The following CORO2A variants were observed in gnomAD, a reference collection of about 807,000 sequenced individuals.
CORO2A encodes the protein coronin-2A.
In CORO2A, 47 loss-of-function variants were observed where a neutral mutation model predicts 62.4. The ratio of observed to expected loss-of-function variants is 0.75; its 90% CI spans 0.60 to 0.96. The LOEUF is 0.96. CORO2A is among the 40% of genes least tolerant of loss of function. The probability of loss-of-function intolerance (pLI) is 0.00; values close to 1 mark genes in which losing one functional copy is unlikely to be tolerated. For missense variants in CORO2A, 610 were observed against 684.1 expected (o/e 0.89, Z 1.21); for synonymous variants, 273 against 268.9 (o/e 1.02, Z -0.15).
intron 4 of CORO2A, 67 bp from the exon 5 acceptor site, chr9:98,133,284 T>C: frequency 6.7e-7 from 1 of 1,497,148 alleles, no homozygotes; most frequent in South Asian, 1.2e-5. Context: ...AGTTACATGC[T>C]GGCCAGGATG....
intron 1 of CORO2A, among the ~76,000 whole-genome samples, chr9:98,187,696 C>T (rs1828257068): frequency 6.6e-6 from 1 of 152,060 alleles, no homozygotes; most frequent in Non-Finnish European, 1.5e-5. Context: ...GCCTTCCTGA[C>T]CTAATTCCCT....
At chr9:98,152,375 G>A (rs1827737588) in intron 2 of CORO2A, among the ~76,000 whole-genome samples, 1 of 151,686 alleles carries the variant, frequency 6.6e-6, no homozygotes, top group African/African-American at 2.4e-5. Context: ...TAGCAGCCTT[G>A]AACTCCTGGG....
chr9:98,147,662 T>G (rs1220152015), intron 2 of CORO2A, among the ~76,000 whole-genome samples: 2 of 152,144 alleles, frequency 1.3e-5, no homozygotes, highest in Non-Finnish European at 2.9e-5. Context: ...TATTTTAGCA[T>G]AAGGAGGTTC....
At chr9:98,172,770 A>T (rs1029249558) in intron 1 of CORO2A, 2 of 152,220 alleles carry the variant, frequency 1.3e-5, no homozygotes, top group Admixed American at 6.5e-5. Flanking sequence ...TTGTTTGTCC[A>T]GGCTGGGCCT....
chr9:98,143,538 G>A (rs920350374), intron 2 of CORO2A, among the ~76,000 whole-genome samples: 1 of 152,160 alleles, frequency 6.6e-6, no homozygotes, highest in African/African-American at 2.4e-5. Flanking sequence ...GTGCAGCCTT[G>A]GGCAAGTGAC....
intron 1 of CORO2A, among the ~76,000 whole-genome samples, chr9:98,184,502 TC>T (rs2118939514): frequency 6.6e-6 from 1 of 152,330 alleles, no homozygotes; most frequent in South Asian, 2.1e-4. Flanking sequence ...TACTACTCTT[TC>T]TCTTACCGTG....
chr9:98,126,225 G>A (rs1364353540), intron 11 of CORO2A, among the ~76,000 whole-genome samples: 2 of 151,564 alleles, frequency 1.3e-5, no homozygotes, highest in Non-Finnish European at 2.9e-5. Context: ...TAGTAGAGAT[G>A]GGGTTTCACT....
In CORO2A at chr9:98,150,045, C is replaced by T. The variant is rs570656684; in HGVS notation, c.201+7415G>A. Among the ~76,000 whole-genome samples the T allele has an allele frequency of 2.0e-4, 31 of 151,936 alleles. 1 individual carries two copies. The South Asian group carries it at 5.8e-3, about 29-fold the overall frequency. On this transcript the variant is annotated intron_variant, in intron 2 of 11. Coordinates refer to ENST00000375077, the MANE Select transcript of CORO2A (RefSeq NM_052820.4). Reference sequence around the variant, plus strand: ...CTCCTGGGTTCAAGCAGTTCTCCTGCCTCAGCCTCCCGAATAGTTGGGGTT... The same window carrying T: ...CTCCTGGGTTCAAGCAGTTCTCCTGTCTCAGCCTCCCGAATAGTTGGGGTT...
intron 1 of CORO2A, among the ~76,000 whole-genome samples, chr9:98,181,686 T>G (rs1317731683): frequency 6.6e-6 from 1 of 152,194 alleles, no homozygotes; most frequent in Non-Finnish European, 1.5e-5. Flanking sequence ...TTGGCAAGGC[T>G]GTTTCTCCTA....
chr9:98,141,652 C>A (rs1827570811), intron 2 of CORO2A, among the ~76,000 whole-genome samples: 1 of 152,238 alleles, frequency 6.6e-6, no homozygotes, highest in Non-Finnish European at 1.5e-5. Context: ...CTGCGCCCAG[C>A]TGCCAATGAC....
chr9:98,154,172 A>G (rs772431830), intron 2 of CORO2A, among the ~76,000 whole-genome samples: 46 of 151,896 alleles, frequency 3.0e-4, no homozygotes, highest in Non-Finnish European at 6.5e-4. Context: ...TGGTTTTGGT[A>G]TCAAGGTTAC....
At chr9:98,159,619 C>T (rs1157535465) in intron 1 of CORO2A, among the ~76,000 whole-genome samples, 2 of 151,658 alleles carry the variant, frequency 1.3e-5, no homozygotes, top group African/African-American at 4.8e-5. Context: ...CAAATCCGCC[C>T]CTTCCCTAGC....
intron 11 of CORO2A, among the ~76,000 whole-genome samples, chr9:98,126,227 G>A (rs1827316572): frequency 6.6e-6 from 1 of 150,398 alleles, no homozygotes; most frequent in Non-Finnish European, 1.5e-5. Context: ...GTAGAGATGG[G>A]GTTTCACTAT....
chr9:98,179,757 C>A (rs1466859872), intron 1 of CORO2A, among the ~76,000 whole-genome samples: 1 of 152,156 alleles, frequency 6.6e-6, no homozygotes, highest in African/African-American at 2.4e-5. Flanking sequence ...GTAATCCCAG[C>A]ACTTTGGGAG....
chr9:98,182,999 T>A (rs1460532494), intron 1 of CORO2A, among the ~76,000 whole-genome samples: 1 of 152,228 alleles, frequency 6.6e-6, no homozygotes, highest in Non-Finnish European at 1.5e-5. Flanking sequence ...GAAACGCCTG[T>A]GAGATGGGAT....
chr9:98,152,478 T>C (rs566078827), intron 2 of CORO2A, among the ~76,000 whole-genome samples: 1 of 152,056 alleles, frequency 6.6e-6, no homozygotes, highest in South Asian at 2.1e-4. Flanking sequence ...TTTGTAGAGA[T>C]GGGGTTTCTC....
intron 2 of CORO2A, among the ~76,000 whole-genome samples, chr9:98,146,131 G>A (rs1827641433): frequency 6.6e-6 from 1 of 152,168 alleles, no homozygotes; most frequent in Admixed American, 6.5e-5. Flanking sequence ...ACTCCCAGCA[G>A]GGTTCCAGGG....
chr9:98,174,777 C>T (rs1417092724), intron 1 of CORO2A, among the ~76,000 whole-genome samples: 1 of 152,156 alleles, frequency 6.6e-6, no homozygotes, highest in African/African-American at 2.4e-5. Flanking sequence ...TGAGGCTCCC[C>T]AGCCATGTGG....
At chr9:98,182,536 T>C (rs1251708768) in intron 1 of CORO2A, among the ~76,000 whole-genome samples, 2 of 152,206 alleles carry the variant, frequency 1.3e-5, no homozygotes, top group African/African-American at 4.8e-5. Context: ...GCTGGCATTG[T>C]GGAGATTCTG....
Sources: gnomAD v4.1 joint callset for allele counts (sites outside exome capture counted in the v4.1 genomes callset) on GRCh38, gnomAD v4.1.1 for gene constraint, MANE v1.5 for transcripts, NCBI Gene and HGNC (gene_info 2026-07-23, HGNC 2026-07-21) for gene names.